Variants in NBPF14 observed in about 807,000 individuals in gnomAD.
The protein encoded by NBPF14 is NBPF family member NBPF14.
In NBPF14, 104 loss-of-function variants were observed where a neutral mutation model predicts 91.2. The observed-to-expected ratio is 1.14, with a 90% CI of 0.97 to 1.34. NBPF14 has a LOEUF of 1.34. Ranked by LOEUF, NBPF14 falls within the 40% of genes most tolerant of loss-of-function variation. The pLI, the probability that NBPF14 is intolerant of heterozygous loss-of-function variation, is 0.00. For synonymous variants in NBPF14, 294 were observed against 303.8 expected (o/e 0.97, Z 0.34); for missense variants, 908 against 783.0 (o/e 1.16, Z -1.91).
chr1:148,535,444 CAA>C lies in NBPF14; in HGVS notation c.8441+7_8441+8del, dbSNP rs1654962489. ...ACAGAATTAAGCATCCATAATTGCTCAAAGTTACCTGGGGCATGATGGGTCTT... is the reference window on the plus strand; with the variant it reads ...ACAGAATTAAGCATCCATAATTGCTCAGTTACCTGGGGCATGATGGGTCTT... On this transcript the variant is annotated splice_region_variant and intron_variant, in intron 68 of 70. Coordinates refer to ENST00000619423, the Ensembl canonical transcript of NBPF14. 1 of 484,768 alleles carries C rather than the reference CAA, an allele frequency of 2.1e-6. No individual in the cohort carries two copies. The highest frequency in any genetic ancestry group is 3.5e-5 in the African/African-American group (1 of 28,646). The allele number at this position is 484,768 out of a possible 1,614,324, so 30.0% of individuals were successfully genotyped here.
At chr1:148,533,753 A>T in intron 70 of NBPF14, 108 bp downstream of exon 70, 1 of 760,248 alleles carries the variant, frequency 1.3e-6, no homozygotes, top group Non-Finnish European at 2.4e-6. Context: ...CAGTAGGAGT[A>T]ATTCAGCCTT....
rs1157445688 is a variant in NBPF14, at chr1:148,572,549, A to G, written c.2652T>C (p.Tyr884=). ...GTTCAAGATAACCTGAAGGAGTCGA[A>G]TAACATCTATCCAGTGAGTCCTGCA... Residue 884 remains tyrosine (Y), a synonymous_variant, in exon 21 of 71, where the codon TAT becomes TAC. Coordinates refer to ENST00000619423, the Ensembl canonical transcript of NBPF14. 1.3e-4 allele frequency: 88 copies of G among 657,822 alleles called. 3 individuals carry two copies. In the African/African-American group the frequency reaches 2.3e-3, roughly 17 times the overall value. The allele number at this position is 657,822 out of a possible 1,614,324, so 40.7% of individuals were successfully genotyped here.
At chr1:148,576,061 A>T (rs1659653886) in intron 16 of NBPF14, among the ~76,000 whole-genome samples, 2 of 146,504 alleles carry the variant, frequency 1.4e-5, no homozygotes, top group South Asian at 4.4e-4. Context: ...GCCGGGTGAC[A>T]CACTGATGAA....
chr1:148,557,682 C>T lies in NBPF14; in HGVS notation c.4955-140G>A, dbSNP rs1656908286. ...CATGTGAGAGATATACTTCAGGAGG[C>T]CTGAAAGCTGGTCATGATATTCCTT... is the stretch of plus-strand genomic sequence containing the variant. On this transcript the variant is annotated intron_variant, in intron 39 of 70. Transcript: ENST00000619423. 3.2e-6 allele frequency: 2 copies of T among 619,390 alleles called. 1 individual carries two copies. Among genetic ancestry groups the T allele is most frequent in the South Asian group, 3.4e-5 (2 of 58,356 alleles). The allele number at this position is 619,390 out of a possible 1,614,324, so 38.4% of individuals were successfully genotyped here. A position where few individuals can be genotyped will look rare whatever the true frequency, so the allele number is the denominator to read the frequency against.
At chr1:148,534,542 T>A (rs1328611672) in intron 69 of NBPF14, 142 bp downstream of exon 69, 4 of 711,230 alleles carry the variant, frequency 5.6e-6, no homozygotes, top group South Asian at 4.4e-5. Context: ...AGACTACAGT[T>A]TCATTACAAC....
intron 2 of NBPF14, among the ~76,000 whole-genome samples, 175 bp from the exon 3 acceptor site, chr1:148,593,875 C>A (rs1280487052): frequency 6.7e-6 from 1 of 149,494 alleles, no homozygotes; most frequent in African/African-American, 2.5e-5. Flanking sequence ...GGCATCTGAT[C>A]CTCCAAAATT....
At chr1:148,590,227 T>G (rs1368580695) in intron 6 of NBPF14, among the ~76,000 whole-genome samples, 4 of 140,270 alleles carry the variant, frequency 2.9e-5, no homozygotes, top group African/African-American at 1.0e-4. Context: ...TTTTTTTTTT[T>G]TTTGTATTTT....
At chr1:148,533,763 T>C in intron 70 of NBPF14, 98 bp downstream of exon 70, 1 of 761,746 alleles carries the variant, frequency 1.3e-6, no homozygotes, top group Non-Finnish European at 2.4e-6. Context: ...AATTCAGCCT[T>C]TGTTGAAAAT....
intron 6 of NBPF14, among the ~76,000 whole-genome samples, chr1:148,589,672 G>A (rs1662116085): frequency 9.1e-6 from 1 of 110,318 alleles, no homozygotes; most frequent in South Asian, 3.4e-4. Flanking sequence ...CCCATGAGTG[G>A]CCAATGTTTC....
intron 37 of NBPF14, among the ~76,000 whole-genome samples, chr1:148,559,425 A>T (rs1657220837): frequency 7.5e-6 from 1 of 133,976 alleles, no homozygotes; most frequent in Non-Finnish European, 1.5e-5. Context: ...TCAAATACTC[A>T]GATTGTTCAT....
chr1:148,566,316 C>T lies in NBPF14; in HGVS notation c.3543-1G>A, dbSNP rs1447363129. ...TACCTCCAGCAGCTCCCTGCTGAGC[C>T]TGGAAAAGGAGGAAAAGGTAAAGAA... On this transcript the variant is annotated splice_acceptor_variant, in intron 28 of 70. Coordinates refer to ENST00000619423, the Ensembl canonical transcript of NBPF14. LOFTEE classifies it high-confidence loss of function. The T allele has an allele frequency of 6.7e-6, 5 of 749,140 alleles. 1 individual carries two copies. The highest frequency in any genetic ancestry group is 1.2e-5 in the Non-Finnish European group (5 of 425,044). The allele number at this position is 749,140 out of a possible 1,614,324, so 46.4% of individuals were successfully genotyped here.
intron 28 of NBPF14, among the ~76,000 whole-genome samples, chr1:148,566,617 T>C (rs1382786775): frequency 5.7e-5 from 8 of 140,302 alleles, no homozygotes; most frequent in Admixed American, 1.4e-4. Flanking sequence ...AACAGGACAC[T>C]CTGAGTTAGT....
chr1:148,595,558 G>C lies in NBPF14; in HGVS notation c.160C>G (p.Gln54Glu). The C allele has an allele frequency of 6.9e-6, 11 of 1,583,598 alleles. 1 individual carries two copies. The highest frequency in any genetic ancestry group is 2.2e-4 in the Middle Eastern group (1 of 4,458). Residue 54 changes from glutamine to glutamate, a missense_variant, in exon 2 of 71, where the codon CAA becomes GAA. By Grantham distance (29) the Gln-to-Glu change is conservative (BLOSUM62 2). Transcript: ENST00000619423. ...TAGATCTTACTGTATTTCTTCTGTT[G>C]GTTGGCCAGGAAGCCGGCCAGTTGA...
At chr1:148,572,804 A>T (rs1201879675) in intron 20 of NBPF14, among the ~76,000 whole-genome samples, 189 bp from the exon 21 acceptor site, 15 of 55,600 alleles carry the variant, frequency 2.7e-4, no homozygotes, top group Non-Finnish European at 4.5e-4. Flanking sequence ...AAAGAGAGAG[A>T]CAGACAGAGA....
In NBPF14 at chr1:148,559,819, C is replaced by T. The variant is rs1410673050; in HGVS notation, c.4703G>A (p.Arg1568His). The change falls in exon 37 of 71, where the codon CGT becomes CAT. Residue 1568 changes from arginine (R) to histidine (H), a missense_variant. This residue lies in a region of NBPF14 where 447 missense variants were observed against 189.1 expected (regional missense o/e 2.36). Coordinates refer to ENST00000619423, the Ensembl canonical transcript of NBPF14. ...ATCCATGTCAACAGCCAAGCCAACA[C>T]GCTGCTGCTCCAATATGTAAAAGGC... 4.0e-5 allele frequency: 61 copies of T among 1,534,130 alleles called. 4 individuals carry two copies. The highest frequency in any genetic ancestry group is 5.0e-5 in the East Asian group (2 of 40,328).
At chr1:148,594,307 G>C (rs1392614490) in intron 2 of NBPF14, among the ~76,000 whole-genome samples, 2 of 141,684 alleles carry the variant, frequency 1.4e-5, no homozygotes, top group Non-Finnish European at 3.0e-5. Context: ...GATTAGTTGT[G>C]TTAATTTAGA....
At chr1:148,580,713 C>A (rs1438778373) in intron 12 of NBPF14, among the ~76,000 whole-genome samples, 4 of 40,476 alleles carry the variant, frequency 9.9e-5, no homozygotes, top group African/African-American at 3.4e-4. Flanking sequence ...GTCGGATTAC[C>A]CACAAAGGGA....
exon 69 of NBPF14, chr1:148,534,773 T>A: frequency 2.4e-6 from 2 of 838,716 alleles, no homozygotes; most frequent in Non-Finnish European, 4.2e-6. Flanking sequence ...CAGTTCAAGA[T>A]AACCTGAAGG....
intron 9 of NBPF14, among the ~76,000 whole-genome samples, chr1:148,585,993 G>A (rs1259020491): frequency 2.6e-5 from 4 of 151,482 alleles, no homozygotes; most frequent in Non-Finnish European, 5.9e-5. Context: ...CCTCCTTCCT[G>A]TCCTTTAAAA....
Sources: gnomAD v4.1 joint callset for allele counts (sites outside exome capture counted in the v4.1 genomes callset) on GRCh38, gnomAD v4.1.1 for gene constraint, gnomAD v4.1.1 regional missense constraint, MANE v1.5 for transcripts, NCBI Gene and HGNC (gene_info 2026-07-23, HGNC 2026-07-21) for gene names.